The following SACS variants were observed in gnomAD, a reference collection of about 807,000 sequenced individuals.
SACS encodes sacsin molecular chaperone, also known as sacsin.
In SACS, 197 loss-of-function variants were observed where a neutral mutation model predicts 348.0. That is an observed-to-expected ratio of 0.57 (90% CI 0.50 to 0.64). SACS has a LOEUF of 0.64. Ranked by LOEUF, SACS falls within the 30% of genes least tolerant of loss-of-function variation. The probability of loss-of-function intolerance (pLI) is 0.00; values close to 1 mark genes in which losing one functional copy is unlikely to be tolerated. For missense variants in SACS, 4,999 were observed against 5,360.8 expected, an observed-to-expected ratio of 0.93 and a Z score of 2.11; for synonymous variants, 1,985 against 1,910.6, an observed-to-expected ratio of 1.04 and a Z score of -1.02.
At chr13:23,350,362 T>G (rs2137689217) in intron 9 of SACS, among the ~76,000 whole-genome samples, 1 of 152,352 alleles carries the variant, frequency 6.6e-6, no homozygotes, top group African/African-American at 2.4e-5. Context: ...GGAGGTCTGT[T>G]TTGTTTTTCC....
At chr13:23,371,288 G>T in intron 3 of SACS, 123 bp from the exon 4 acceptor site, 1 of 456,636 alleles carries the variant, frequency 2.2e-6, no homozygotes, top group Non-Finnish European at 3.9e-6. Context: ...CATGAAGGAA[G>T]TTGTCTGGAG....
At chr13:23,401,244 C>T (rs1873110788) in intron 2 of SACS, among the ~76,000 whole-genome samples, 1 of 152,174 alleles carries the variant, frequency 6.6e-6, no homozygotes, top group South Asian at 2.1e-4. Context: ...GCCAACCTGC[C>T]TCCCATTCTA....
In SACS at chr13:23,332,862, CTT is replaced by C. The variant is rs1883576381; in HGVS notation, c.11012_11013del (p.Gln3671ArgfsTer24). ...AEFIRFHPQY[Q>X]EVNGTLPLIK... is the part of the protein sequence containing the mutation. ...ATAAGAGGAAGTGTTCCATTTACCT[CTT>C]GATATTGAGGATGAAATCTAATGAA... On this transcript the variant is annotated frameshift_variant, in exon 10 of 10. Coordinates refer to ENST00000382292, the MANE Select transcript of SACS (RefSeq NM_014363.6). LOFTEE classifies it high-confidence loss of function. 2.5e-6 allele frequency: 4 copies of C among 1,613,864 alleles called. No individual in the cohort carries two copies. The highest frequency in any genetic ancestry group is 3.4e-6 in the Non-Finnish European group (4 of 1,179,946).
In SACS at chr13:23,333,851, C is replaced by G; in HGVS notation, c.10025G>C (p.Ser3342Thr). 1 of 1,613,870 alleles carries G rather than the reference C, an allele frequency of 6.2e-7. No individual in the cohort carries two copies. The highest frequency in any genetic ancestry group is 8.5e-7 in the Non-Finnish European group (1 of 1,179,834). ...LALNKICSKD[S>T]AFVPLLSCHT... ...ACATGACAACAAAGGAACAAATGCACTGTCTTTGGAACAGATTTTGTTCAA... is the reference window on the plus strand; with the variant it reads ...ACATGACAACAAAGGAACAAATGCAGTGTCTTTGGAACAGATTTTGTTCAA... The change falls in exon 10 of 10, where the codon AGT becomes ACT. Residue 3342 changes from serine to threonine, a missense_variant. Physicochemically the swap from Ser to Thr is moderately conservative, Grantham distance 58. This residue lies in a region of SACS where 734 missense variants were observed against 694.0 expected (regional missense o/e 1.06). Coordinates refer to ENST00000382292, the MANE Select transcript of SACS (RefSeq NM_014363.6).
Position 23,336,997 on chromosome 13 carries a change from A to G in SACS, c.6879T>C (p.Val2293=), listed in dbSNP as rs761370882. 21 of 1,613,896 alleles carry G rather than the reference A, an allele frequency of 1.3e-5. No homozygotes were observed. The highest frequency in any genetic ancestry group is 1.7e-5 in the Non-Finnish European group (20 of 1,179,908). The change falls in exon 10 of 10, where the codon GTT becomes GTC. Residue 2293 remains valine, a synonymous_variant. Transcript: ENST00000382292. The part of the protein sequence containing the change: ...GLLKKPTVDL[V]INQLKEVAKS... ...TTGCTACTTCTTTCAATTGGTTTAT[A>G]ACCAGATCAACTGTTGGCTTCTTGA...
Position 23,340,074 on chromosome 13 carries a change from C to T in SACS, c.3802G>A (p.Asp1268Asn). ...FMHDHLNEGK[D>N]SFRALKFPWV... ...GGAAATTTTAAGGCTCTAAAAGAAT[C>T]TTTCCCTTCATTTAGATGATCATGC... The change falls in exon 10 of 10, where the codon GAT (aspartate) becomes AAT (asparagine). Residue 1268 changes from aspartate to asparagine, a missense_variant. By Grantham distance (23) the Asp-to-Asn change is conservative. This residue lies in a region of SACS where 3,156 missense variants were observed against 3,380.1 expected (regional missense o/e 0.93). Coordinates refer to ENST00000382292, the MANE Select transcript of SACS (RefSeq NM_014363.6). The T allele has an allele frequency of 6.2e-7, 1 of 1,613,952 alleles. No individual in the cohort carries two copies. The highest frequency in any genetic ancestry group is 8.5e-7 in the Non-Finnish European group (1 of 1,179,932).
In SACS at chr13:23,340,107, C is replaced by T. The variant is rs767797830; in HGVS notation, c.3769G>A (p.Gly1257Arg). Reference sequence around the variant, plus strand: ...TCATTTAGATGATCATGCATGAATCCGTAAATCTCAAGCAAAATATGCTGG... The same window carrying T: ...TCATTTAGATGATCATGCATGAATCTGTAAATCTCAAGCAAAATATGCTGG... ...QFQHILLEIYGFMHDHLNEGK... is the reference protein window; with the variant it reads ...QFQHILLEIYRFMHDHLNEGK... Residue 1257 changes from glycine to arginine, a missense_variant, in exon 10 of 10, where the codon GGA (glycine) becomes AGA (arginine). Gly to Arg is a moderately radical substitution (Grantham distance 125). Coordinates refer to ENST00000382292, the MANE Select transcript of SACS (RefSeq NM_014363.6). 16 of 1,613,674 alleles carry T rather than the reference C, an allele frequency of 9.9e-6. No individual in the cohort carries two copies. Among genetic ancestry groups the T allele is most frequent in the African/African-American group, 2.7e-5 (2 of 74,858 alleles).
rs756241123 is a variant in SACS at position 23,330,150 on chromosome 13, G to A, written c.13726C>T (p.Gln4576Ter). 1.9e-6 allele frequency: 3 copies of A among 1,613,242 alleles called. No individual in the cohort carries two copies. The highest frequency in any genetic ancestry group is 2.5e-6 in the Non-Finnish European group (3 of 1,179,472). The change falls in exon 10 of 10, where the codon CAA becomes TAA. Residue 4576 changes from glutamine to a stop codon, truncating the protein, a stop_gained. Coordinates refer to ENST00000382292, the MANE Select transcript of SACS (RefSeq NM_014363.6). LOFTEE classifies it high-confidence loss of function. ...GTTAAATATCTTCACACTTTTTGTT[G>A]CATAAAATTTTCAAGTTTTATTATG... ...CIIIKLENFM[Q>*]QKV
rs540090126 is a variant in SACS at position 23,428,701 on chromosome 13, A to G, written c.-502+4914T>C. On this transcript the variant is annotated intron_variant, in intron 1 of 9. Transcript: ENST00000382292. Reference sequence around the variant, plus strand: ...ACAGAAAAAATACTGTATTTCAATAATAAGAAAAATATATAAATTATTCCC... The same window carrying G: ...ACAGAAAAAATACTGTATTTCAATAGTAAGAAAAATATATAAATTATTCCC... 2.6e-5 allele frequency: 4 copies of G among 152,358 alleles called. No individual in the cohort carries two copies. The South Asian group carries it at 8.3e-4, about 32-fold the overall frequency. 9.4% of individuals were successfully genotyped at this position (152,358 alleles called of 1,614,324 possible). A position where few individuals can be genotyped will look rare whatever the true frequency, so the allele number is the denominator to read the frequency against.
In SACS at chr13:23,337,194, C is replaced by A. The variant is rs760182061; in HGVS notation, c.6682G>T (p.Asp2228Tyr). The A allele has an allele frequency of 1.9e-5, 30 of 1,613,812 alleles. No individual in the cohort carries two copies. Among genetic ancestry groups the A allele is most frequent in the Non-Finnish European group, 2.5e-5 (29 of 1,179,916 alleles). Reference protein sequence around the residue: ...FLTKPAGFSLDWKGNSFKPET... With the variant: ...FLTKPAGFSLYWKGNSFKPET... ...GGCTTAAAACTGTTGCCTTTCCAGT[C>A]CAAAGAAAAACCTGCTGGTTTTGTC... is the stretch of plus-strand genomic sequence containing the variant. The change falls in exon 10 of 10, where the codon GAC (aspartate) becomes TAC (tyrosine). Residue 2228 changes from aspartate to tyrosine, a missense_variant. Transcript: ENST00000382292.
intron 6 of SACS, among the ~76,000 whole-genome samples, chr13:23,362,913 A>C (rs1030161599): frequency 2.1e-5 from 3 of 146,184 alleles, no homozygotes; most frequent in African/African-American, 7.7e-5. Flanking sequence ...TTATTTATGT[A>C]TGTATTTATT....
At chr13:23,343,796 CTTTATT>C (rs1230052642) in intron 9 of SACS, among the ~76,000 whole-genome samples, 1 of 152,214 alleles carries the variant, frequency 6.6e-6, no homozygotes, top group Non-Finnish European at 1.5e-5. Flanking sequence ...AAAGCATACC[CTTTATT>C]TCAGAGGCCT....
intron 2 of SACS, among the ~76,000 whole-genome samples, chr13:23,386,673 T>G (rs974053469): frequency 8.5e-5 from 13 of 152,230 alleles, no homozygotes; most frequent in African/African-American, 3.1e-4. Flanking sequence ...TGACTGTTTG[T>G]CACAAGAGGC....
chr13:23,394,809 C>A (rs377345159), intron 2 of SACS, among the ~76,000 whole-genome samples: 12 of 152,170 alleles, frequency 7.9e-5, no homozygotes, highest in Non-Finnish European at 1.5e-4. Flanking sequence ...GAATCGAGAT[C>A]GCGCACCTGC....
chr13:23,336,633 G>T lies in SACS; in HGVS notation c.7243C>A (p.Gln2415Lys), dbSNP rs1187758230. 1.2e-6 allele frequency: 2 copies of T among 1,613,548 alleles called. No homozygotes were observed. Among genetic ancestry groups the T allele is most frequent in the East Asian group, 4.5e-5 (2 of 44,860 alleles). Residue 2415 changes from glutamine to lysine, a missense_variant, in exon 10 of 10, where the codon CAA becomes AAA. By Grantham distance (53) the Gln-to-Lys change is moderately conservative (BLOSUM62 1). Coordinates refer to ENST00000382292, the MANE Select transcript of SACS (RefSeq NM_014363.6). ...AGCTGAAAATTCTCTTCTGTTATTTGCTTTGTTCCTCTTTCTTGATCAATA... is the reference window on the plus strand; with the variant it reads ...AGCTGAAAATTCTCTTCTGTTATTTTCTTTGTTCCTCTTTCTTGATCAATA... ...ESIDQERGTK[Q>K]ITEENFQLCR...
At chr13:23,410,725 T>C (rs1373216184) in intron 2 of SACS, among the ~76,000 whole-genome samples, 1 of 152,128 alleles carries the variant, frequency 6.6e-6, no homozygotes, top group Non-Finnish European at 1.5e-5. Context: ...AAAATAAGCA[T>C]ATATTCTTAT....
At position 23,404,355 on chromosome 13, in the gene SACS, T is replaced by C. The variant is rs924777112; in HGVS notation, c.20+6865A>G. The stretch of plus-strand genomic sequence containing the variant: ...TATCTCAATAGATGCAGAAAAGGCC[T>C]TTGATAAAATTCAACACTCCTTCAT... On this transcript the variant is annotated intron_variant, in intron 2 of 9. Coordinates refer to ENST00000382292, the MANE Select transcript of SACS (RefSeq NM_014363.6). 1.1e-4 allele frequency among the ~76,000 whole-genome samples: 17 copies of C among 152,166 alleles called. 1 individual carries two copies.
At chr13:23,360,530 G>A (rs182440029) in intron 6 of SACS, among the ~76,000 whole-genome samples, 43 of 152,104 alleles carry the variant, frequency 2.8e-4, no homozygotes, top group African/African-American at 1.0e-3. Context: ...GGGGATACAC[G>A]CACATGACAT....
At chr13:23,425,598 TG>T (rs147451411) in intron 1 of SACS, among the ~76,000 whole-genome samples, 92 of 152,166 alleles carry the variant, frequency 6.0e-4, no homozygotes, top group African/African-American at 2.1e-3. Flanking sequence ...GCCCTCTTCC[TG>T]GGGAGAGCGG....
Sources: allele counts gnomAD v4.1 joint callset (sites outside exome capture counted in the v4.1 genomes callset), GRCh38; gene constraint gnomAD v4.1.1; regional missense constraint gnomAD v4.1.1; transcripts MANE v1.5; gene names NCBI Gene and HGNC (gene_info 2026-07-23, HGNC 2026-07-21).